SPOCK1: variants seen among roughly 807,000 people sequenced by gnomAD.
The protein encoded by SPOCK1 is testican-1.
SPOCK1 carries 23 observed loss-of-function variants against 55.3 expected under a neutral mutation model. The observed-to-expected ratio is 0.42, with a 90% CI of 0.30 to 0.59. The LOEUF (loss-of-function observed/expected upper bound fraction) is 0.59. Ranked by LOEUF, SPOCK1 falls within the 20% of genes least tolerant of loss-of-function variation. The probability of loss-of-function intolerance (pLI) is 0.22; values close to 1 mark genes in which losing one functional copy is unlikely to be tolerated. For missense variants in SPOCK1, 499 were observed against 552.5 expected (o/e 0.90, Z 0.97); for synonymous variants, 226 against 221.0 (o/e 1.02, Z -0.20).
At chr5:137,258,295 C>T (rs1756676957) in intron 3 of SPOCK1, among the ~76,000 whole-genome samples, 1 of 152,236 alleles carries the variant, frequency 6.6e-6, no homozygotes, top group African/African-American at 2.4e-5. Flanking sequence ...CACTATACCG[C>T]ATTGCCTTTC....
At chr5:137,075,776 C>T (rs1476416474) in intron 5 of SPOCK1, among the ~76,000 whole-genome samples, 3 of 152,152 alleles carry the variant, frequency 2.0e-5, no homozygotes, top group Non-Finnish European at 2.9e-5. Flanking sequence ...CCTGCACGTG[C>T]AGGCCCACCC....
At chr5:137,178,058 G>A (rs1396742212) in intron 3 of SPOCK1, among the ~76,000 whole-genome samples, 3 of 152,148 alleles carry the variant, frequency 2.0e-5, no homozygotes, top group African/African-American at 7.2e-5. Flanking sequence ...GCAGAGAAAA[G>A]ATGAATCTCT....
At chr5:137,290,488 G>A (rs1757353306) in intron 2 of SPOCK1, among the ~76,000 whole-genome samples, 2 of 152,344 alleles carry the variant, frequency 1.3e-5, no homozygotes, top group South Asian at 4.1e-4. Flanking sequence ...AGGGGAGCAT[G>A]AGCGAGGCTT....
chr5:137,239,485 G>C (rs944925972), intron 3 of SPOCK1, among the ~76,000 whole-genome samples: 1 of 152,152 alleles, frequency 6.6e-6, no homozygotes, highest in East Asian at 1.9e-4. Context: ...GGGAACTCCT[G>C]AATGTATAGC....
chr5:137,430,824 C>T (rs1011585277), intron 2 of SPOCK1, among the ~76,000 whole-genome samples: 1 of 152,226 alleles, frequency 6.6e-6, no homozygotes, highest in Non-Finnish European at 1.5e-5. Context: ...ACGGCAAACA[C>T]CTTTTCCCTT....
intron 2 of SPOCK1, among the ~76,000 whole-genome samples, chr5:137,305,658 C>T (rs1192932808): frequency 2.6e-5 from 4 of 152,176 alleles, no homozygotes; most frequent in East Asian, 1.9e-4. Context: ...TTATGATCTC[C>T]GCTGTAAAAA....
chr5:137,054,475 A>G (rs1025381117), intron 6 of SPOCK1, among the ~76,000 whole-genome samples: 1 of 152,216 alleles, frequency 6.6e-6, no homozygotes, highest in Non-Finnish European at 1.5e-5. Context: ...CCTGTACAAG[A>G]CAGAAAGCAA....
intron 6 of SPOCK1, among the ~76,000 whole-genome samples, chr5:137,013,291 G>A (rs548525965): frequency 6.6e-5 from 10 of 152,208 alleles, no homozygotes; most frequent in Non-Finnish European, 1.2e-4. Context: ...AAAACACTCC[G>A]ATGAGACTCA....
chr5:137,015,461 TAGCAA>T (rs1272057550), intron 6 of SPOCK1, among the ~76,000 whole-genome samples: 1 of 151,920 alleles, frequency 6.6e-6, no homozygotes, highest in Non-Finnish European at 1.5e-5. Flanking sequence ...GAGAGATAGA[TAGCAA>T]AGCAGAGATT....
chr5:137,089,534 G>T (rs7714185), intron 5 of SPOCK1, among the ~76,000 whole-genome samples: 6,276 of 152,212 alleles, frequency 0.041, 265 homozygotes, highest in African/African-American at 0.095. Flanking sequence ...TAGGACCTGG[G>T]GAACTGTGCT....
intron 2 of SPOCK1, among the ~76,000 whole-genome samples, chr5:137,402,773 A>T (rs1052358142): frequency 2.0e-5 from 3 of 152,248 alleles, no homozygotes; most frequent in Admixed American, 6.5e-5. Context: ...AAGAAAAAAT[A>T]TGTTTTTAAT....
At chr5:137,018,791 A>T (rs1275963377) in intron 6 of SPOCK1, among the ~76,000 whole-genome samples, 1 of 152,218 alleles carries the variant, frequency 6.6e-6, no homozygotes, top group Non-Finnish European at 1.5e-5. Context: ...TTAAAATTTT[A>T]AAAAAAGAAA....
intron 2 of SPOCK1, among the ~76,000 whole-genome samples, chr5:137,384,397 C>A (rs887106541): frequency 1.3e-5 from 2 of 152,144 alleles, no homozygotes; most frequent in Admixed American, 6.5e-5. Context: ...CAATTCAAAG[C>A]TCTAGCACTC....
chr5:137,365,731 C>G (rs146471069), intron 2 of SPOCK1, among the ~76,000 whole-genome samples: 1 of 152,102 alleles, frequency 6.6e-6, no homozygotes, highest in Non-Finnish European at 1.5e-5. Context: ...CGGGCAAGAG[C>G]CACTGGATCT....
At chr5:137,206,392 T>C (rs959892725) in intron 3 of SPOCK1, among the ~76,000 whole-genome samples, 3 of 152,214 alleles carry the variant, frequency 2.0e-5, no homozygotes, top group South Asian at 2.1e-4. Flanking sequence ...TTTCAAGTTA[T>C]AGGAGCCTGC....
chr5:137,438,923 G>A (rs376615877), intron 2 of SPOCK1, among the ~76,000 whole-genome samples: 36 of 152,278 alleles, frequency 2.4e-4, no homozygotes, highest in East Asian at 7.7e-4. Context: ...ATTTGGGTTC[G>A]TTAGGCAGGG....
intron 2 of SPOCK1, among the ~76,000 whole-genome samples, chr5:137,467,107 A>G (rs1171373726): frequency 1.3e-5 from 2 of 152,258 alleles, no homozygotes; most frequent in African/African-American, 4.8e-5. Context: ...GGCCTCTGGT[A>G]GGGTAACTTA....
rs1191550382 is a variant in SPOCK1 at position 137,131,851 on chromosome 5, A to T, written c.347+8729T>A. ...GCCGGGTGTAGGGGCGGGCGCCTGT[A>T]GTCCCAGCTACTCGGGAGGCTGAGG... On this transcript the variant is annotated intron_variant, in intron 4 of 10. Transcript: ENST00000394945. 2.0e-5 allele frequency among the ~76,000 whole-genome samples: 3 copies of T among 148,036 alleles called. No homozygotes were observed. In the East Asian group the frequency reaches 6.0e-4, roughly 30 times the overall value.
intron 4 of SPOCK1, among the ~76,000 whole-genome samples, chr5:137,129,255 T>C (rs1261962148): frequency 1.3e-5 from 2 of 152,182 alleles, no homozygotes; most frequent in Admixed American, 6.5e-5. Context: ...TTCCCCGACA[T>C]AGGGCCTTTG....
Sources: gnomAD v4.1 joint callset for allele counts (sites outside exome capture counted in the v4.1 genomes callset) on GRCh38, gnomAD v4.1.1 for gene constraint, MANE v1.5 for transcripts, NCBI Gene and HGNC (gene_info 2026-07-23, HGNC 2026-07-21) for gene names.